The following PDPR variants were observed in gnomAD, a reference collection of about 807,000 sequenced individuals.
PDPR encodes the protein pyruvate dehydrogenase phosphatase regulatory subunit, also known as pyruvate dehydrogenase phosphatase regulatory subunit, mitochondrial.
PDPR carries 50 observed loss-of-function variants against 102.2 expected under a neutral mutation model. The observed-to-expected ratio is 0.49, with a 90% confidence interval of 0.39 to 0.62. The LOEUF is 0.62. Among genes scored for constraint, PDPR ranks in the 20% least tolerant of loss-of-function variants. The probability of loss-of-function intolerance (pLI) is 0.00; values close to 1 mark genes in which losing one functional copy is unlikely to be tolerated. For synonymous variants in PDPR, 259 were observed against 406.0 expected, an observed-to-expected ratio of 0.64 and a Z score of 4.35; for missense variants, 625 against 1,098.2, an observed-to-expected ratio of 0.57 and a Z score of 6.09.
intron 4 of PDPR, among the ~76,000 whole-genome samples, chr16:70,128,498 G>GA (rs1468164323): frequency 6.6e-6 from 1 of 152,260 alleles, no homozygotes; most frequent in Non-Finnish European, 1.5e-5. Flanking sequence ...AAAGTGCTGC[G>GA]ATTACAAGCA....
Position 70,142,117 on chromosome 16 carries a change from T to TAC in PDPR, c.1316-116_1316-115dup, listed in dbSNP as rs1346267374. ...CTCCGTCTTAAAAAAAAAAAAAAAC[T>TAC]ACGTTAGCCTGGAAAGCTCTTTTGA... On this transcript the variant is annotated intron_variant, in intron 11 of 18. Coordinates refer to ENST00000288050, the MANE Select transcript of PDPR (RefSeq NM_017990.5). The TAC allele has an allele frequency of 2.6e-6, 3 of 1,138,912 alleles. No individual in the cohort carries two copies. The Admixed American group carries it at 8.5e-5, about 32-fold the overall frequency. The allele number at this position is 1,138,912 out of a possible 1,614,324, so 70.6% of individuals were successfully genotyped here.
Position 70,156,554 on chromosome 16 carries a change from T to A in PDPR, c.2315T>A (p.Leu772Gln). The change falls in exon 19 of 19, where the codon CTG (leucine) becomes CAG (glutamine). Residue 772 changes from leucine (L) to glutamine (Q), a missense_variant. Leu to Gln is a moderately radical substitution (Grantham distance 113). This residue lies in a region of PDPR where 303 missense variants were observed against 258.9 expected (regional missense o/e 1.17). Transcript: ENST00000288050. ...GVYKRLTMFI[L>Q]DDHDSDLDLW... ...TATAAACGCCTCACCATGTTCATCC[T>A]GGACGACCATGATTCAGACCTAGAC... 4 of 1,614,024 alleles carry A rather than the reference T, an allele frequency of 2.5e-6. No individual in the cohort carries two copies. In the East Asian group the frequency reaches 8.9e-5, roughly 36 times the overall value.
chr16:70,124,309 G>T (rs182910892), intron 3 of PDPR, among the ~76,000 whole-genome samples: 1 of 152,380 alleles, frequency 6.6e-6, no homozygotes, highest in Non-Finnish European at 1.5e-5. Context: ...ATTGCAGTGA[G>T]CCAAGTTTGT....
rs143033684 is a variant in PDPR, at chr16:70,157,168, C to T, written c.*289C>T. 10,607 of 625,442 alleles carry T rather than the reference C, an allele frequency of 0.017. No homozygotes were observed. The highest frequency in any genetic ancestry group is 0.019 in the Non-Finnish European group (6,445 of 339,246). 38.7% of individuals were successfully genotyped at this position (625,442 alleles called of 1,614,324 possible). On this transcript the variant is annotated 3_prime_UTR_variant, in exon 19 of 19. Transcript: ENST00000288050. ...GTATGTCTGACAGGACAGAAGCAAG[C>T]TCCACTGTGGACATGAGTGATGGTG...
chr16:70,133,176 G>T (rs1348904488), intron 9 of PDPR, among the ~76,000 whole-genome samples: 1 of 147,350 alleles, frequency 6.8e-6, no homozygotes, highest in Admixed American at 7.0e-5. Context: ...GTGCAGTGGT[G>T]TGATCTCGGC....
At position 70,159,236 on chromosome 16, in the gene PDPR, T is replaced by A. The variant is rs957771682; in HGVS notation, c.*2357T>A. On this transcript the variant is annotated 3_prime_UTR_variant, in exon 19 of 19. Transcript: ENST00000288050. ...CTTTGTAAGAAGTCAGGAAATCTGA[T>A]GCTGTGTCCAAAATTATGCACTGTT... 6.6e-6 allele frequency: 1 copy of A among 152,490 alleles called. No individual in the cohort carries two copies. The highest frequency in any genetic ancestry group is 3.4e-3 in the Middle Eastern group (1 of 294). 9.4% of individuals were successfully genotyped at this position (152,490 alleles called of 1,614,324 possible). A position where few individuals can be genotyped will look rare whatever the true frequency, so the allele number is the denominator to read the frequency against.
chr16:70,156,227 T>C, intron 18 of PDPR: 2 of 551,252 alleles, frequency 3.6e-6, no homozygotes, highest in Non-Finnish European at 6.3e-6. Flanking sequence ...CTTGTGACTT[T>C]ATGTTTATAA....
At chr16:70,135,749 A>G (rs368632556) in intron 9 of PDPR, among the ~76,000 whole-genome samples, 190 of 152,340 alleles carry the variant, frequency 1.2e-3, no homozygotes, top group African/African-American at 4.2e-3. Context: ...TTTGTGATAA[A>G]TGGCCCAGTT....
intron 18 of PDPR, among the ~76,000 whole-genome samples, chr16:70,154,839 A>G (rs1203683386): frequency 4.6e-5 from 7 of 152,342 alleles, no homozygotes; most frequent in Non-Finnish European, 7.3e-5. Context: ...GAGTTTCACC[A>G]CATTGGCCAG....
intron 3 of PDPR, among the ~76,000 whole-genome samples, chr16:70,123,850 C>T (rs765021076): frequency 6.6e-5 from 10 of 152,198 alleles, no homozygotes; most frequent in South Asian, 2.1e-4. Context: ...ATCAGGAGTT[C>T]GAGACCAGCT....
chr16:70,127,354 C>G lies in PDPR; in HGVS notation c.322C>G (p.Leu108Val), dbSNP rs779270546. Reference sequence around the variant, plus strand: ...GAAGATGGCAGACTACTCAAACAAACTCTACTATCAGTTAGAGCAAGAAAC... The same window carrying G: ...GAAGATGGCAGACTACTCAAACAAAGTCTACTATCAGTTAGAGCAAGAAAC... ...EQKMADYSNKLYYQLEQETGI... is the reference protein window; with the variant it reads ...EQKMADYSNKVYYQLEQETGI... The change falls in exon 4 of 19, where the codon CTC becomes GTC. Residue 108 changes from leucine to valine, a missense_variant. Around this residue, in one of 11 missense-constraint regions of PDPR, gnomAD observed 24 missense variants for 61.7 expected, o/e 0.39. Coordinates refer to ENST00000288050, the MANE Select transcript of PDPR (RefSeq NM_017990.5). The G allele has an allele frequency of 2.5e-6, 4 of 1,608,664 alleles. No homozygotes were observed. The highest frequency in any genetic ancestry group is 1.7e-4 in the Middle Eastern group (1 of 6,052).
At position 70,158,974 on chromosome 16, in the gene PDPR, A is replaced by G. The variant is rs934364437; in HGVS notation, c.*2095A>G. 4 of 152,356 alleles carry G rather than the reference A, an allele frequency of 2.6e-5. No individual in the cohort carries two copies. The highest frequency in any genetic ancestry group is 9.6e-5 in the African/African-American group (4 of 41,478). The allele number at this position is 152,356 out of a possible 1,614,324, so 9.4% of individuals were successfully genotyped here. ...TAACTCTTCAACCTTAACTATGGCAATACATTTGTGCTTTAACTGTTACAT... is the reference window on the plus strand; with the variant it reads ...TAACTCTTCAACCTTAACTATGGCAGTACATTTGTGCTTTAACTGTTACAT... On this transcript the variant is annotated 3_prime_UTR_variant, in exon 19 of 19. Transcript: ENST00000288050.
chr16:70,156,377 C>G, intron 18 of PDPR, 98 bp from the exon 19 acceptor site: 4 of 1,432,866 alleles, frequency 2.8e-6, no homozygotes, highest in Non-Finnish European at 3.8e-6. Context: ...CGGCTGTGCC[C>G]CATTGCAGTG....
chr16:70,121,307 T>C (rs1963243047), intron 3 of PDPR, among the ~76,000 whole-genome samples: 1 of 151,954 alleles, frequency 6.6e-6, no homozygotes, highest in African/African-American at 2.4e-5. Flanking sequence ...CCCTTTATAT[T>C]AATTTGTAAT....
intron 18 of PDPR, among the ~76,000 whole-genome samples, chr16:70,154,929 A>T (rs1966952882): frequency 6.6e-6 from 1 of 152,340 alleles, no homozygotes; most frequent in South Asian, 2.1e-4. Context: ...GTGAGACAGC[A>T]CACCCGGCCT....
intron 3 of PDPR, among the ~76,000 whole-genome samples, chr16:70,122,055 C>A (rs1370731951): frequency 6.6e-6 from 1 of 152,188 alleles, no homozygotes; most frequent in Non-Finnish European, 1.5e-5. Flanking sequence ...GGTGCAATTT[C>A]TGCTCACTGC....
At chr16:70,138,674 C>T (rs1299011943) in intron 10 of PDPR, among the ~76,000 whole-genome samples, 1 of 152,300 alleles carries the variant, frequency 6.6e-6, no homozygotes, top group East Asian at 1.9e-4. Context: ...TAAATACCTC[C>T]TAGGGAATCT....
chr16:70,147,992 G>T (rs2911026), intron 16 of PDPR, among the ~76,000 whole-genome samples: 1 of 148,540 alleles, frequency 6.7e-6, no homozygotes, highest in African/African-American at 2.5e-5. Context: ...GCTATGTAAC[G>T]TGTTCTGAGA....
At chr16:70,132,769 G>T (rs1426582916) in intron 9 of PDPR, among the ~76,000 whole-genome samples, 1 of 152,150 alleles carries the variant, frequency 6.6e-6, no homozygotes. Context: ...GATTACAGAT[G>T]TGAGCCACTG....
Sources: allele counts gnomAD v4.1 joint callset (sites outside exome capture counted in the v4.1 genomes callset), GRCh38; gene constraint gnomAD v4.1.1; regional missense constraint gnomAD v4.1.1; transcripts MANE v1.5; gene names NCBI Gene and HGNC (gene_info 2026-07-23, HGNC 2026-07-21).